The following FBXO32 variants were observed in gnomAD, a reference collection of about 807,000 sequenced individuals.
FBXO32 encodes the protein F-box protein 32, also known as F-box only protein 32.
In FBXO32, 15 loss-of-function variants were observed where a neutral mutation model predicts 48.3. That is an observed-to-expected ratio of 0.31 (90% CI 0.21 to 0.48). The LOEUF is 0.48. FBXO32 is among the 20% of genes least tolerant of loss of function. The probability of loss-of-function intolerance (pLI) is 0.99; values close to 1 mark genes in which losing one functional copy is unlikely to be tolerated. For synonymous variants in FBXO32, 154 were observed against 165.9 expected, an observed-to-expected ratio of 0.93 and a Z score of 0.55; for missense variants, 309 against 432.7, an observed-to-expected ratio of 0.71 and a Z score of 2.54.
chr8:123,539,017 A>G (rs1028968658), intron 1 of FBXO32, among the ~76,000 whole-genome samples: 3 of 152,130 alleles, frequency 2.0e-5, no homozygotes, highest in Admixed American at 2.0e-4. Flanking sequence ...ATTTTTATTT[A>G]TTTTTAGAGA....
chr8:123,530,673 T>C (rs11774297), intron 4 of FBXO32, among the ~76,000 whole-genome samples: 35,717 of 152,130 alleles, frequency 0.23, 5,042 homozygotes, highest in Middle Eastern at 0.33. Flanking sequence ...TGGAGTGCAA[T>C]GGCGCCATCT....
chr8:123,531,595 G>A (rs953446852), intron 4 of FBXO32, among the ~76,000 whole-genome samples: 4 of 152,238 alleles, frequency 2.6e-5, no homozygotes, highest in Non-Finnish European at 4.4e-5. Flanking sequence ...TATCCACAGG[G>A]TGGGCTCGGA....
chr8:123,517,380 A>T (rs1816859853), intron 4 of FBXO32, among the ~76,000 whole-genome samples: 1 of 152,182 alleles, frequency 6.6e-6, no homozygotes, highest in African/African-American at 2.4e-5. Context: ...CTCTAAGGAG[A>T]AGGAGGAATA....
Position 123,541,055 on chromosome 8 carries a change from G to T in FBXO32, c.-41C>A. Reference sequence around the variant, plus strand: ...CTAGACGGATGGGGAGACGGGGCCGGCCTGGTGGGCTCGGGGACGTGCCAC... The same window carrying T: ...CTAGACGGATGGGGAGACGGGGCCGTCCTGGTGGGCTCGGGGACGTGCCAC... On this transcript the variant is annotated 5_prime_UTR_variant, in exon 1 of 9. Coordinates refer to ENST00000517956, the MANE Select transcript of FBXO32 (RefSeq NM_058229.4). 7.1e-7 allele frequency: 1 copy of T among 1,403,840 alleles called. No individual in the cohort carries two copies. The highest frequency in any genetic ancestry group is 9.7e-7 in the Non-Finnish European group (1 of 1,026,404). 87.0% of individuals were successfully genotyped at this position (1,403,840 alleles called of 1,614,324 possible).
chr8:123,514,972 G>T (rs1385883588), intron 4 of FBXO32, among the ~76,000 whole-genome samples: 1 of 152,178 alleles, frequency 6.6e-6, no homozygotes, highest in Non-Finnish European at 1.5e-5. Flanking sequence ...TTGGATCCTT[G>T]TAGCTCTTGG....
rs1035618356 is a variant in FBXO32 at position 123,501,932 on chromosome 8, T to TCCCC, written c.*1437_*1440dup. ...TAAAAAGTAAAAAACTGGGAGTAGATCCCCCATCTATTCCCAGGAATATTT... is the reference window on the plus strand; with the variant it reads ...TAAAAAGTAAAAAACTGGGAGTAGATCCCCCCCCCATCTATTCCCAGGAATATTT... On this transcript the variant is annotated 3_prime_UTR_variant, in exon 9 of 9. Coordinates refer to ENST00000517956, the MANE Select transcript of FBXO32 (RefSeq NM_058229.4). 4 of 152,032 alleles carry TCCCC rather than the reference T, an allele frequency of 2.6e-5. No individual in the cohort carries two copies. The highest frequency in any genetic ancestry group is 9.7e-5 in the African/African-American group (4 of 41,368). The allele number at this position is 152,032 out of a possible 1,614,324, so 9.4% of individuals were successfully genotyped here.
chr8:123,526,213 G>A (rs972345840), intron 4 of FBXO32, among the ~76,000 whole-genome samples: 1 of 151,688 alleles, frequency 6.6e-6, no homozygotes, highest in East Asian at 1.9e-4. Context: ...AACACCCTTC[G>A]ATGATCTTTT....
rs1448004357 is a variant in FBXO32 at position 123,513,704 on chromosome 8, C to T, written c.467-322G>A. 1.3e-5 allele frequency among the ~76,000 whole-genome samples: 2 copies of T among 152,102 alleles called. No homozygotes were observed. Among genetic ancestry groups the T allele is most frequent in the Non-Finnish European group, 1.5e-5 (1 of 68,032 alleles). ...CACTCCTTTTGCCCAGAAGTGACCC[C>T]GTTTAGGACAGTCAGTGGAAGGAGC... On this transcript the variant is annotated intron_variant, in intron 5 of 8. Transcript: ENST00000517956. The surrounding 1 kb of genome is among the most constrained non-coding windows in gnomAD (Gnocchi z 4.3).
rs1816430107 is a variant in FBXO32 at position 123,499,318 on chromosome 8, GC to G, written c.*4054del. On this transcript the variant is annotated 3_prime_UTR_variant, in exon 9 of 9. Transcript: ENST00000517956. ...ACAAATTATGACCTTGTTTGTTGAA[GC>G]CATCAAGGACCCAAGATATATCAAA... The G allele has an allele frequency of 6.6e-6, 1 of 152,130 alleles. No individual in the cohort carries two copies. Among genetic ancestry groups the G allele is most frequent in the South Asian group, 2.1e-4 (1 of 4,830 alleles). 9.4% of individuals were successfully genotyped at this position (152,130 alleles called of 1,614,324 possible). A position where few individuals can be genotyped will look rare whatever the true frequency, so the allele number is the denominator to read the frequency against.
At chr8:123,511,324 C>T (rs552005219) in intron 6 of FBXO32, among the ~76,000 whole-genome samples, 69 of 152,054 alleles carry the variant, frequency 4.5e-4, no homozygotes, top group African/African-American at 1.5e-3. Flanking sequence ...TAGCTAGCTC[C>T]GAAGAGTGTT....
intron 4 of FBXO32, among the ~76,000 whole-genome samples, chr8:123,521,560 C>CTGAA (rs1025406405): frequency 1.3e-5 from 2 of 152,204 alleles, no homozygotes; most frequent in African/African-American, 4.8e-5. Flanking sequence ...AACACTTGGG[C>CTGAA]TTTCAGAAGC....
chr8:123,538,051 A>G (rs1165397510), intron 1 of FBXO32, among the ~76,000 whole-genome samples: 1 of 152,128 alleles, frequency 6.6e-6, no homozygotes, highest in Non-Finnish European at 1.5e-5. Context: ...GCCCCAGCAT[A>G]TTTAACACTT....
chr8:123,504,775 G>T lies in FBXO32; in HGVS notation c.835-28C>A, dbSNP rs533271654. On this transcript the variant is annotated intron_variant, in intron 7 of 8. Transcript: ENST00000517956. ...AAAAAATCAAATGAATAAAGGAAAT[G>T]ACAGGAGAGTTTGTCAAGAAGATGG... 3,091 of 1,606,162 alleles carry T rather than the reference G, an allele frequency of 1.9e-3. 38 individuals are homozygous for T. In the South Asian group the frequency reaches 0.021, roughly 11 times the overall value.
chr8:123,530,454 C>T (rs1817176896), intron 4 of FBXO32, among the ~76,000 whole-genome samples: 1 of 152,004 alleles, frequency 6.6e-6, no homozygotes, highest in South Asian at 2.1e-4. Context: ...AGCCTAAAAC[C>T]CAAACAGCTG....
chr8:123,538,830 G>C (rs77097341), intron 1 of FBXO32, among the ~76,000 whole-genome samples: 14 of 151,990 alleles, frequency 9.2e-5, no homozygotes, highest in African/African-American at 3.1e-4. Context: ...AACAGGACAC[G>C]GGAGGGGGGC....
In FBXO32 at chr8:123,506,727, T is replaced by A; in HGVS notation, c.652-153A>T. 1 of 639,144 alleles carries A rather than the reference T, an allele frequency of 1.6e-6. No homozygotes were observed. The highest frequency in any genetic ancestry group is 2.8e-6 in the Non-Finnish European group (1 of 363,372). 39.6% of individuals were successfully genotyped at this position (639,144 alleles called of 1,614,324 possible). A position where few individuals can be genotyped will look rare whatever the true frequency, so the allele number is the denominator to read the frequency against. ...CAGTAGTAAATCTCCCCATCCTAAA[T>A]GCAGACAGGAGACCATGGCCATGAC... On this transcript the variant is annotated intron_variant, in intron 6 of 8. Coordinates refer to ENST00000517956, the MANE Select transcript of FBXO32 (RefSeq NM_058229.4). This position sits in a 1 kb window ranked among gnomAD's most constrained non-coding sequence, Gnocchi z 4.0.
chr8:123,511,541 T>A (rs1306654505), intron 6 of FBXO32, among the ~76,000 whole-genome samples: 4 of 151,796 alleles, frequency 2.6e-5, no homozygotes, highest in Non-Finnish European at 4.4e-5. Context: ...TGAGCAGTGA[T>A]CTTGGCTTAC....
intron 4 of FBXO32, among the ~76,000 whole-genome samples, chr8:123,515,849 G>A (rs763609189): frequency 2.0e-5 from 3 of 151,956 alleles, no homozygotes; most frequent in South Asian, 2.1e-4. Flanking sequence ...AAAATTAGCC[G>A]GGCATGGTGG....
chr8:123,520,184 G>A (rs1440382410), intron 4 of FBXO32, among the ~76,000 whole-genome samples: 1 of 152,216 alleles, frequency 6.6e-6, no homozygotes, highest in Non-Finnish European at 1.5e-5. Context: ...TAGCCAATTG[G>A]ATTCTTTGCC....
Sources: allele counts gnomAD v4.1 joint callset (sites outside exome capture counted in the v4.1 genomes callset), GRCh38; gene constraint gnomAD v4.1.1; non-coding constraint Gnocchi (gnomAD v3.1); transcripts MANE v1.5; gene names NCBI Gene and HGNC (gene_info 2026-07-23, HGNC 2026-07-21).